The following NLGN1 variants were observed in gnomAD, a reference collection of about 807,000 sequenced individuals.
NLGN1 encodes neuroligin-1.
In NLGN1, 12 loss-of-function variants were observed where a neutral mutation model predicts 65.5. The observed-to-expected ratio is 0.18, with a 90% confidence interval of 0.12 to 0.30. The LOEUF (loss-of-function observed/expected upper bound fraction) is 0.30. NLGN1 is among the 10% of genes least tolerant of loss of function. The pLI is 1.00. For synonymous variants in NLGN1, 350 were observed against 359.5 expected, an observed-to-expected ratio of 0.97 and a Z score of 0.30; for missense variants, 750 against 1,007.1, an observed-to-expected ratio of 0.74 and a Z score of 3.46.
chr3:173,407,945 AAAAT>A (rs1268373668), intron 1 of NLGN1, among the ~76,000 whole-genome samples: 1 of 152,234 alleles, frequency 6.6e-6, no homozygotes, highest in Non-Finnish European at 1.5e-5. Flanking sequence ...GCGTCCACTA[AAAAT>A]AAATTATTTA....
chr3:173,836,444 T>C (rs1272265134), intron 4 of NLGN1, among the ~76,000 whole-genome samples: 1 of 152,184 alleles, frequency 6.6e-6, no homozygotes, highest in African/African-American at 2.4e-5. Context: ...TTTATTGATT[T>C]ATGGACCTTA....
At chr3:174,159,612 A>G (rs1404477285) in intron 4 of NLGN1, among the ~76,000 whole-genome samples, 1 of 151,726 alleles carries the variant, frequency 6.6e-6, no homozygotes, top group African/African-American at 2.4e-5. Flanking sequence ...AAATATTTAT[A>G]AAGAGAAGAT....
At chr3:173,872,975 A>G (rs1292118141) in intron 4 of NLGN1, among the ~76,000 whole-genome samples, 3 of 152,122 alleles carry the variant, frequency 2.0e-5, no homozygotes, top group Non-Finnish European at 4.4e-5. Context: ...TGATGATACA[A>G]TGTCACATAC....
chr3:173,745,478 G>A (rs943453672), intron 3 of NLGN1, among the ~76,000 whole-genome samples: 6 of 151,456 alleles, frequency 4.0e-5, no homozygotes, highest in African/African-American at 7.3e-5. Context: ...TTTTTTTTAC[G>A]AGAAAGAGTT....
intron 4 of NLGN1, among the ~76,000 whole-genome samples, chr3:174,267,425 CAG>C (rs1333025501): frequency 6.6e-6 from 1 of 152,140 alleles, no homozygotes; most frequent in Non-Finnish European, 1.5e-5. Flanking sequence ...TGGGAGGAAA[CAG>C]ATATCCAAAC....
chr3:174,049,345 A>G (rs549561896), intron 4 of NLGN1, among the ~76,000 whole-genome samples: 18 of 152,218 alleles, frequency 1.2e-4, no homozygotes, highest in African/African-American at 4.3e-4. Flanking sequence ...TGAGCCAGTA[A>G]GTGGCATGAT....
intron 3 of NLGN1, among the ~76,000 whole-genome samples, chr3:173,762,998 A>ACG (rs1553841370): frequency 1.4e-4 from 21 of 151,796 alleles, no homozygotes; most frequent in African/African-American, 4.1e-4. Flanking sequence ...ACACACACAC[A>ACG]CAGAATCTTT....
At chr3:174,018,616 T>C (rs1440936225) in intron 4 of NLGN1, among the ~76,000 whole-genome samples, 1 of 152,158 alleles carries the variant, frequency 6.6e-6, no homozygotes, top group Non-Finnish European at 1.5e-5. Flanking sequence ...AATAAGATTC[T>C]ACAGGTACAT....
At position 173,604,935 on chromosome 3, in the gene NLGN1, T is replaced by G. The variant is rs1030178857; in HGVS notation, c.337T>G (p.Phe113Val). The change falls in exon 3 of 7, where the codon TTT becomes GTT. Residue 113 changes from phenylalanine to valine, a missense_variant. Coordinates refer to ENST00000457714, the Ensembl canonical transcript of NLGN1. ...GTCAGATATCAGAAATGCCACTCAA[T>G]TTGCTCCTGTGTGTCCCCAGAATAT... The G allele has an allele frequency of 2.5e-6, 4 of 1,613,564 alleles. No individual in the cohort carries two copies. In the African/African-American group the frequency reaches 5.3e-5, roughly 22 times the overall value.
intron 2 of NLGN1, among the ~76,000 whole-genome samples, chr3:173,578,523 T>A (rs1185922358): frequency 1.3e-5 from 2 of 152,182 alleles, no homozygotes; most frequent in African/African-American, 4.8e-5. Flanking sequence ...AACATTAATT[T>A]TCATGTGGTT....
At chr3:173,449,004 A>C (rs935422507) in intron 2 of NLGN1, among the ~76,000 whole-genome samples, 3 of 151,952 alleles carry the variant, frequency 2.0e-5, no homozygotes, top group Admixed American at 6.6e-5. Flanking sequence ...TGATCTTTTC[A>C]AAAAACCGGC....
At chr3:173,655,529 A>G (rs1198366686) in intron 3 of NLGN1, among the ~76,000 whole-genome samples, 1 of 152,010 alleles carries the variant, frequency 6.6e-6, no homozygotes, top group African/African-American at 2.4e-5. Flanking sequence ...AGCATATATG[A>G]CAGGTGTACT....
At chr3:173,658,490 T>C (rs1306834274) in intron 3 of NLGN1, among the ~76,000 whole-genome samples, 1 of 152,052 alleles carries the variant, frequency 6.6e-6, no homozygotes, top group Non-Finnish European at 1.5e-5. Flanking sequence ...TTCTAATCTT[T>C]ATATTGAAGT....
At chr3:174,285,555 A>G (rs1266641717) in exon 7 of NLGN1, 1 of 151,572 alleles carries the variant, frequency 6.6e-6, no homozygotes, top group Non-Finnish European at 1.5e-5. Flanking sequence ...TGATAGCAAC[A>G]TACACTTCAA....
chr3:173,629,788 AAAAAAAGAG>A (rs1457951325), intron 3 of NLGN1, among the ~76,000 whole-genome samples: 1 of 152,062 alleles, frequency 6.6e-6, no homozygotes, highest in Non-Finnish European at 1.5e-5. Flanking sequence ...CCATTGCTTA[AAAAAAAGAG>A]ACACGACTGT....
intron 3 of NLGN1, among the ~76,000 whole-genome samples, chr3:173,744,986 C>T (rs1049981679): frequency 5.3e-5 from 8 of 152,198 alleles, no homozygotes; most frequent in Middle Eastern, 3.4e-3. Flanking sequence ...CCTATCTTTC[C>T]TTGCACTTAA....
At chr3:173,632,217 G>A (rs551059082) in intron 3 of NLGN1, among the ~76,000 whole-genome samples, 1 of 152,276 alleles carries the variant, frequency 6.6e-6, no homozygotes, top group African/African-American at 2.4e-5. Flanking sequence ...AGCATCGTTG[G>A]AAATGGGTTT....
At chr3:173,899,794 A>C (rs2152169630) in intron 4 of NLGN1, among the ~76,000 whole-genome samples, 1 of 152,208 alleles carries the variant, frequency 6.6e-6, no homozygotes, top group Admixed American at 6.5e-5. Context: ...TTACAGTGTA[A>C]GTTTGCTTGC....
intron 4 of NLGN1, among the ~76,000 whole-genome samples, chr3:174,033,005 T>A (rs1730351089): frequency 6.6e-6 from 1 of 151,932 alleles, no homozygotes; most frequent in African/African-American, 2.4e-5. Context: ...GATCTATCTA[T>A]ATATATAGAT....
Sources: gnomAD v4.1 joint callset for allele counts (sites outside exome capture counted in the v4.1 genomes callset) on GRCh38, gnomAD v4.1.1 for gene constraint, MANE v1.5 for transcripts, NCBI Gene and HGNC (gene_info 2026-07-23, HGNC 2026-07-21) for gene names.